The following JPT1 variants were observed in gnomAD, a reference collection of about 807,000 sequenced individuals.
JPT1 encodes androgen-regulated protein 2.
JPT1 carries 5 observed loss-of-function variants against 17.0 expected under a neutral mutation model. The observed-to-expected ratio is 0.29, with a 90% CI of 0.15 to 0.62. JPT1 has a LOEUF of 0.62. JPT1 is among the 20% of genes least tolerant of loss of function. JPT1 has a pLI of 0.85. For missense variants in JPT1, 158 were observed against 188.1 expected (o/e 0.84, Z 0.94); for synonymous variants, 71 against 73.6 (o/e 0.96, Z 0.18).
intron 4 of JPT1, 71 bp from the exon 5 acceptor site, chr17:75,136,321 C>T (rs2074195989): frequency 1.5e-5 from 21 of 1,446,510 alleles, no homozygotes; most frequent in Non-Finnish European, 1.9e-5. Flanking sequence ...GGATCTGTTT[C>T]TCTTTTTCTT....
At chr17:75,149,796 A>G (rs2145192369) in intron 1 of JPT1, among the ~76,000 whole-genome samples, 1 of 152,198 alleles carries the variant, frequency 6.6e-6, no homozygotes, top group Middle Eastern at 3.4e-3. Context: ...GGATTGCTTG[A>G]GCCCAGGAGT....
chr17:75,154,242 C>G, intron 1 of JPT1, 100 bp downstream of exon 1: 2 of 946,280 alleles, frequency 2.1e-6, no homozygotes, highest in Non-Finnish European at 2.9e-6. Context: ...GCACAGCGCA[C>G]GGGGCTCGTT....
intron 4 of JPT1, among the ~76,000 whole-genome samples, chr17:75,139,460 TAAA>T (rs2074267904): frequency 6.6e-6 from 1 of 151,948 alleles, no homozygotes; most frequent in Non-Finnish European, 1.5e-5. Flanking sequence ...AACATACTAA[TAAA>T]GAAGAAGAAA....
At chr17:75,146,492 C>T in intron 4 of JPT1, 174 bp downstream of exon 4, 1 of 530,000 alleles carries the variant, frequency 1.9e-6, no homozygotes, top group African/African-American at 2.0e-5. Flanking sequence ...TTTTTCCCTT[C>T]TATTATGTTT....
rs145981095 is a variant in JPT1, at chr17:75,145,101, T to A, written c.316+1565A>T. On this transcript the variant is annotated intron_variant, in intron 4 of 4. Coordinates refer to ENST00000409753, the MANE Select transcript of JPT1 (RefSeq NM_016185.4). ...AGTGCTTGAACCCGGGAGGCAGAGG[T>A]TGAAGTGAGCTGAGATCCTGCCACT... Among the ~76,000 whole-genome samples the A allele has an allele frequency of 7.9e-4, 109 of 138,846 alleles. 1 individual carries two copies. The highest frequency in any genetic ancestry group is 2.9e-3 in the African/African-American group (107 of 37,066). The allele number at this position is 138,846 out of a possible 152,430, so 91.1% of individuals were successfully genotyped here. A position where few individuals can be genotyped will look rare whatever the true frequency, so the allele number is the denominator to read the frequency against.
rs1308076434 is a variant in JPT1, at chr17:75,135,314, G to A, written c.*788C>T. The stretch of plus-strand genomic sequence containing the variant: ...GATTGTGAAGTACAACACATTTTAA[G>A]GATGAGACTTTCCTTTCATGGTCAA... On this transcript the variant is annotated 3_prime_UTR_variant, in exon 5 of 5. Transcript: ENST00000409753. 1 of 152,678 alleles carries A rather than the reference G, an allele frequency of 6.5e-6. No homozygotes were observed. Among genetic ancestry groups the A allele is most frequent in the Non-Finnish European group, 1.5e-5 (1 of 68,072 alleles). The allele number at this position is 152,678 out of a possible 1,614,324, so 9.5% of individuals were successfully genotyped here. A position where few individuals can be genotyped will look rare whatever the true frequency, so the allele number is the denominator to read the frequency against.
At chr17:75,140,658 G>C (rs2074290310) in intron 4 of JPT1, among the ~76,000 whole-genome samples, 1 of 152,164 alleles carries the variant, frequency 6.6e-6, no homozygotes, top group African/African-American at 2.4e-5. Context: ...TAATCCTCCA[G>C]ATGTATCTTA....
chr17:75,145,033 G>C lies in JPT1; in HGVS notation c.316+1633C>G, dbSNP rs538673174. On this transcript the variant is annotated intron_variant, in intron 4 of 4. Transcript: ENST00000409753. ...AGTGGCTCATGCCGGGCATGGTGCC[G>C]CGTGCCTGTAATCCCAGCTATTCAG... 2.6e-5 allele frequency among the ~76,000 whole-genome samples: 4 copies of C among 151,382 alleles called. No homozygotes were observed. In the East Asian group the frequency reaches 5.8e-4, roughly 22 times the overall value.
chr17:75,153,750 C>G (rs1349841314), intron 1 of JPT1: 1 of 152,306 alleles, frequency 6.6e-6, no homozygotes, highest in Non-Finnish European at 1.5e-5. Context: ...ATGACCAGCC[C>G]CGCTCGACCA....
chr17:75,150,226 G>C lies in JPT1; in HGVS notation c.57-1555C>G, dbSNP rs945293094. Among the ~76,000 whole-genome samples the C allele has an allele frequency of 2.0e-5, 3 of 152,106 alleles. No homozygotes were observed. In the East Asian group the frequency reaches 5.8e-4, roughly 29 times the overall value. ...GCCACCTCTCAAAACAGAAAATGCAGGTGGTTTTATAGAAATACTTTTTTT... is the reference window on the plus strand; with the variant it reads ...GCCACCTCTCAAAACAGAAAATGCACGTGGTTTTATAGAAATACTTTTTTT... On this transcript the variant is annotated intron_variant, in intron 1 of 4. Transcript: ENST00000409753.
Position 75,149,089 on chromosome 17 carries a change from A to T in JPT1, c.57-418T>A, listed in dbSNP as rs2074494135. On this transcript the variant is annotated intron_variant, in intron 1 of 4. Transcript: ENST00000409753. ...ATCATTTCCAGGCACAGTGGCACAC[A>T]CCTGTAATCCCAGCACCCTAGGAGG... The T allele has an allele frequency of 7.9e-7, 1 of 1,262,520 alleles. No individual in the cohort carries two copies. The highest frequency in any genetic ancestry group is 1.5e-5 in the African/African-American group (1 of 65,044). 78.2% of individuals were successfully genotyped at this position (1,262,520 alleles called of 1,614,324 possible). A position where few individuals can be genotyped will look rare whatever the true frequency, so the allele number is the denominator to read the frequency against.
chr17:75,142,420 C>T (rs1245789609), intron 4 of JPT1, among the ~76,000 whole-genome samples: 1 of 150,544 alleles, frequency 6.6e-6, no homozygotes, highest in Non-Finnish European at 1.5e-5. Context: ...ATTAGCCGGG[C>T]GTGGTGGCAG....
At chr17:75,148,306 C>G (rs1011998226) in intron 2 of JPT1, among the ~76,000 whole-genome samples, 3 of 152,176 alleles carry the variant, frequency 2.0e-5, no homozygotes, top group African/African-American at 7.2e-5. Context: ...AGGGCAGTGG[C>G]TCAATCACAG....
chr17:75,137,957 CT>C (rs750540514), intron 4 of JPT1, among the ~76,000 whole-genome samples: 1 of 149,238 alleles, frequency 6.7e-6, no homozygotes, highest in South Asian at 2.1e-4. Flanking sequence ...CCTAGTTTTC[CT>C]TTTTTTTCTT....
intron 4 of JPT1, among the ~76,000 whole-genome samples, chr17:75,146,145 A>T (rs1006856288): frequency 2.2e-4 from 33 of 151,980 alleles, no homozygotes; most frequent in Non-Finnish European, 1.0e-4. Flanking sequence ...GTGTGTTTAG[A>T]TATATTTTGG....
At chr17:75,151,194 G>A (rs1238993980) in intron 1 of JPT1, among the ~76,000 whole-genome samples, 2 of 152,064 alleles carry the variant, frequency 1.3e-5, no homozygotes, top group Non-Finnish European at 2.9e-5. Context: ...CTATCTGGGC[G>A]TGGTGATGTG....
chr17:75,146,549 G>A lies in JPT1; in HGVS notation c.316+117C>T. 13 of 701,502 alleles carry A rather than the reference G, an allele frequency of 1.9e-5. No individual in the cohort carries two copies. The South Asian group carries it at 2.4e-4, about 13-fold the overall frequency. 43.5% of individuals were successfully genotyped at this position (701,502 alleles called of 1,614,324 possible). ...GCAGATTAGAGTATGGCGGCACTTG[G>A]GGCATGGCCAGGTTTCACTCCCCAG... On this transcript the variant is annotated intron_variant, in intron 4 of 4. Coordinates refer to ENST00000409753, the MANE Select transcript of JPT1 (RefSeq NM_016185.4).
At chr17:75,140,893 C>T (rs534846102) in intron 4 of JPT1, among the ~76,000 whole-genome samples, 198 of 152,216 alleles carry the variant, frequency 1.3e-3, no homozygotes, top group Admixed American at 3.8e-3. Context: ...AGTTCGAGAC[C>T]GGCCTGGGCA....
intron 4 of JPT1, chr17:75,138,608 A>G (rs1267499233): frequency 6.6e-6 from 1 of 151,962 alleles, no homozygotes; most frequent in Non-Finnish European, 1.5e-5. Flanking sequence ...AGGTTTCACC[A>G]TGTTGGCCAG....
Sources: gnomAD v4.1 joint callset for allele counts (sites outside exome capture counted in the v4.1 genomes callset) on GRCh38, gnomAD v4.1.1 for gene constraint, MANE v1.5 for transcripts, NCBI Gene and HGNC (gene_info 2026-07-23, HGNC 2026-07-21) for gene names.